DSE: variants seen among roughly 807,000 people sequenced by gnomAD.
The protein encoded by DSE is dermatan sulfate epimerase.
In DSE, 36 loss-of-function variants were observed where a neutral mutation model predicts 84.4. The observed-to-expected ratio is 0.43, with a 90% CI of 0.33 to 0.56. The LOEUF (loss-of-function observed/expected upper bound fraction) is 0.56, where lower values mean the gene tolerates loss of function less well. DSE is among the 20% of genes least tolerant of loss of function. The pLI is 0.06. For synonymous variants in DSE, 410 were observed against 430.1 expected (o/e 0.95, Z 0.58); for missense variants, 862 against 1,169.6 (o/e 0.74, Z 3.84).
intron 2 of DSE, among the ~76,000 whole-genome samples, chr6:116,282,835 T>C (rs1384139230): frequency 6.6e-6 from 1 of 151,266 alleles, no homozygotes; most frequent in East Asian, 1.9e-4. Flanking sequence ...TTATGTCCTA[T>C]TTTTTTTTAA....
chr6:116,279,920 A>G, intron 2 of DSE: 1 of 1,561,326 alleles, frequency 6.4e-7, no homozygotes, highest in South Asian at 1.1e-5. Context: ...CGCCCACCCT[A>G]CAGTCTCACT....
chr6:116,368,833 T>C (rs943340010), upstream of DSE, among the ~76,000 whole-genome samples: 10 of 150,766 alleles, frequency 6.6e-5, no homozygotes, highest in African/African-American at 2.2e-4. Flanking sequence ...CCCAGGTAAA[T>C]TGAAGTATTC....
chr6:116,345,026 G>A (rs1777860536), intron 2 of DSE, among the ~76,000 whole-genome samples: 1 of 152,106 alleles, frequency 6.6e-6, no homozygotes, highest in South Asian at 2.1e-4. Context: ...AGACAAAGAA[G>A]ACCATTACAT....
chr6:116,424,789 A>G (rs183318936), intron 2 of DSE, among the ~76,000 whole-genome samples: 10 of 152,310 alleles, frequency 6.6e-5, no homozygotes, highest in Non-Finnish European at 1.5e-4. Flanking sequence ...TGATAGGGTG[A>G]CCAGGGAAGG....
chr6:116,370,942 C>T (rs1241315892), upstream of DSE: 13 of 985,414 alleles, frequency 1.3e-5, no homozygotes, highest in African/African-American at 1.6e-4. Flanking sequence ...GCCGGCCCGG[C>T]TCTCAGTAGC....
intron 2 of DSE, among the ~76,000 whole-genome samples, chr6:116,293,263 T>TTAAAA (rs1774409745): frequency 6.7e-6 from 1 of 148,358 alleles, no homozygotes; most frequent in Non-Finnish European, 1.5e-5. Context: ...TAAAGGTTTT[T>TTAAAA]CCTTTTCTTT....
At chr6:116,330,230 A>G (rs1776858379) in intron 2 of DSE, among the ~76,000 whole-genome samples, 2 of 152,252 alleles carry the variant, frequency 1.3e-5, no homozygotes, top group South Asian at 4.1e-4. Context: ...TCAAAATTGA[A>G]TAAATGAAAA....
intron 2 of DSE, among the ~76,000 whole-genome samples, chr6:116,346,483 G>A (rs1018618939): frequency 3.3e-5 from 5 of 152,068 alleles, no homozygotes; most frequent in Admixed American, 6.5e-5. Context: ...ATCAATAAAC[G>A]TAATCCAGCA....
chr6:116,441,590 A>G lies in DSE; in HGVS notation c.*4245A>G, dbSNP rs931357328. 1 of 152,210 alleles carries G rather than the reference A, an allele frequency of 6.6e-6. No individual in the cohort carries two copies. Among genetic ancestry groups the G allele is most frequent in the African/African-American group, 2.4e-5 (1 of 41,458 alleles). 9.4% of individuals were successfully genotyped at this position (152,210 alleles called of 1,614,324 possible). On this transcript the variant is annotated 3_prime_UTR_variant, in exon 6 of 6. Coordinates refer to ENST00000644252, the MANE Select transcript of DSE (RefSeq NM_013352.4). Reference sequence around the variant, plus strand: ...GGAAGATAATAGGTGCTATGGAAGGAAAAGTCAGGGTAAGGAGACTGGGAA... The same window carrying G: ...GGAAGATAATAGGTGCTATGGAAGGGAAAGTCAGGGTAAGGAGACTGGGAA...
intron 2 of DSE, among the ~76,000 whole-genome samples, chr6:116,269,687 C>T (rs1772800152): frequency 6.6e-6 from 1 of 152,092 alleles, no homozygotes; most frequent in African/African-American, 2.4e-5. Flanking sequence ...AACTAAAGTG[C>T]TTTACCACAT....
chr6:116,371,586 G>A (rs1473181688), intron 1 of DSE, among the ~76,000 whole-genome samples: 1 of 152,194 alleles, frequency 6.6e-6, no homozygotes, highest in Non-Finnish European at 1.5e-5. Flanking sequence ...AGGTGGCGGC[G>A]GCTTGTGTGC....
upstream of DSE, among the ~76,000 whole-genome samples, chr6:116,369,540 A>G (rs1029849027): frequency 6.6e-6 from 1 of 152,214 alleles, no homozygotes; most frequent in Non-Finnish European, 1.5e-5. Flanking sequence ...GAGGAAACTG[A>G]GGTTCTGATG....
intron 2 of DSE, among the ~76,000 whole-genome samples, chr6:116,326,871 T>A (rs1776649791): frequency 6.6e-6 from 1 of 152,200 alleles, no homozygotes; most frequent in Admixed American, 6.5e-5. Flanking sequence ...AGTAGAACAA[T>A]CTATAAAGAG....
chr6:116,367,640 C>G (rs1779240682), upstream of DSE, among the ~76,000 whole-genome samples: 2 of 152,176 alleles, frequency 1.3e-5, no homozygotes, highest in Admixed American at 1.3e-4. Flanking sequence ...CTAAACAAAA[C>G]TAATTCCCTT....
At chr6:116,391,011 C>G (rs1461945591) in intron 1 of DSE, among the ~76,000 whole-genome samples, 3 of 152,208 alleles carry the variant, frequency 2.0e-5, no homozygotes, top group Non-Finnish European at 4.4e-5. Flanking sequence ...ATTTCTCACT[C>G]AGGTGGTCTC....
intron 2 of DSE, chr6:116,288,470 G>A (rs1202830017): frequency 5.9e-5 from 9 of 152,030 alleles, no homozygotes; most frequent in Non-Finnish European, 1.2e-4. Context: ...GAAGAAATGA[G>A]CCTTGACTTA....
intron 2 of DSE, among the ~76,000 whole-genome samples, chr6:116,351,412 A>G (rs1277116305): frequency 6.6e-6 from 1 of 152,104 alleles, no homozygotes; most frequent in Non-Finnish European, 1.5e-5. Flanking sequence ...TAAAACTTTT[A>G]TTTTTTTATT....
exon 2 of DSE, chr6:116,258,796 T>G: frequency 6.2e-7 from 1 of 1,609,382 alleles, no homozygotes; most frequent in Non-Finnish European, 8.5e-7. Context: ...CTGCAGAGGG[T>G]TCTCGCCTGT....
intron 2 of DSE, among the ~76,000 whole-genome samples, chr6:116,294,975 A>T (rs543106697): frequency 4.6e-5 from 7 of 152,206 alleles, no homozygotes; most frequent in Non-Finnish European, 8.8e-5. Context: ...AGTGATGAGG[A>T]TTTAACGATA....
Sources: allele counts gnomAD v4.1 joint callset (sites outside exome capture counted in the v4.1 genomes callset), GRCh38; gene constraint gnomAD v4.1.1; transcripts MANE v1.5; gene names NCBI Gene and HGNC (gene_info 2026-07-23, HGNC 2026-07-21).